The following THRB variants were observed in gnomAD, a reference collection of about 807,000 sequenced individuals.
THRB encodes the protein nuclear receptor subfamily 1 group A member 2.
Under a neutral mutation model 47.8 loss-of-function variants are expected in THRB, and 12 were observed. That is an observed-to-expected ratio of 0.25 (90% CI 0.16 to 0.41). THRB has a LOEUF of 0.41. Among genes scored for constraint, THRB ranks in the 10% least tolerant of loss-of-function variants. The probability of loss-of-function intolerance (pLI) is 1.00; values close to 1 mark genes in which losing one functional copy is unlikely to be tolerated. For synonymous variants in THRB, 218 were observed against 212.2 expected, an observed-to-expected ratio of 1.03 and a Z score of -0.24; for missense variants, 348 against 589.2, an observed-to-expected ratio of 0.59 and a Z score of 4.24.
intron 2 of THRB, among the ~76,000 whole-genome samples, chr3:24,332,465 A>G (rs961274120): frequency 3.9e-5 from 6 of 152,104 alleles, no homozygotes; most frequent in African/African-American, 1.4e-4. Flanking sequence ...AAATTTAGCT[A>G]TTTCTCCAAT....
intron 5 of THRB, among the ~76,000 whole-genome samples, chr3:24,182,117 C>A (rs562981150): frequency 6.6e-6 from 1 of 152,116 alleles, no homozygotes; most frequent in Non-Finnish European, 1.5e-5. Context: ...AGGAGAATGG[C>A]GTGAACCCGG....
intron 4 of THRB, among the ~76,000 whole-genome samples, chr3:24,197,564 A>T (rs1349795311): frequency 6.6e-6 from 1 of 152,166 alleles, no homozygotes; most frequent in Non-Finnish European, 1.5e-5. Flanking sequence ...TCCATCTCTT[A>T]ATCTCCACAG....
intron 6 of THRB, among the ~76,000 whole-genome samples, chr3:24,149,070 T>C (rs145913998): frequency 3.3e-4 from 50 of 152,280 alleles, no homozygotes; most frequent in African/African-American, 1.2e-3. Context: ...TGCCAAAGCA[T>C]GAATGTCAGA....
chr3:24,139,174 G>T (rs1452042347), intron 8 of THRB, among the ~76,000 whole-genome samples: 2 of 152,180 alleles, frequency 1.3e-5, no homozygotes, highest in Non-Finnish European at 2.9e-5. Context: ...GATTTGAGTA[G>T]ATTGGAGAAA....
chr3:24,413,562 T>C (rs759203167), intron 1 of THRB, among the ~76,000 whole-genome samples: 6 of 151,880 alleles, frequency 4.0e-5, no homozygotes, highest in Non-Finnish European at 7.4e-5. Flanking sequence ...TTTTTTCTTT[T>C]TCATCTCTGA....
intron 1 of THRB, among the ~76,000 whole-genome samples, chr3:24,433,486 A>C (rs1360781776): frequency 1.3e-5 from 2 of 152,058 alleles, no homozygotes; most frequent in Non-Finnish European, 2.9e-5. Flanking sequence ...AAGGCAAGGA[A>C]ATGGATCCTT....
intron 2 of THRB, among the ~76,000 whole-genome samples, chr3:24,298,793 C>A (rs548227077): frequency 1.3e-5 from 2 of 152,296 alleles, no homozygotes; most frequent in African/African-American, 4.8e-5. Context: ...ACCTTTGTAA[C>A]CTCCTGTAAG....
intron 3 of THRB, among the ~76,000 whole-genome samples, chr3:24,243,062 A>G (rs940378422): frequency 7.4e-5 from 6 of 80,800 alleles, no homozygotes; most frequent in Non-Finnish European, 1.1e-4. Context: ...TCACCTGCGC[A>G]CCTTTGAAAA....
At chr3:24,474,573 C>A (rs9845983) in intron 1 of THRB, among the ~76,000 whole-genome samples, 11,296 of 152,232 alleles carry the variant, frequency 0.074, 629 homozygotes, top group African/African-American at 0.16. Context: ...TTTGTAGAAT[C>A]AATGGCTACT....
chr3:24,333,047 G>A (rs535020516), intron 2 of THRB, among the ~76,000 whole-genome samples: 2 of 152,234 alleles, frequency 1.3e-5, no homozygotes, highest in Non-Finnish European at 1.5e-5. Context: ...TCATGGCACT[G>A]CACTCCAGCC....
intron 5 of THRB, among the ~76,000 whole-genome samples, chr3:24,168,418 A>G (rs2039948148): frequency 6.6e-6 from 1 of 151,732 alleles, no homozygotes; most frequent in Non-Finnish European, 1.5e-5. Flanking sequence ...TATTTCACTT[A>G]TAGTGCATCC....
At chr3:24,350,783 A>G (rs978574651) in intron 1 of THRB, among the ~76,000 whole-genome samples, 15 of 152,156 alleles carry the variant, frequency 9.9e-5, no homozygotes, top group African/African-American at 3.6e-4. Flanking sequence ...TGATTTGTGT[A>G]CATCTCTGTG....
At position 24,215,898 on chromosome 3, in the gene THRB, A is replaced by G. The variant is rs141303862; in HGVS notation, c.22+13040T>C. ...AGGTAGATGGGGATGTAAGAAGGAAAGAACCTGGGTCCATAAATGACCTTG... is the reference window on the plus strand; with the variant it reads ...AGGTAGATGGGGATGTAAGAAGGAAGGAACCTGGGTCCATAAATGACCTTG... On this transcript the variant is annotated intron_variant, in intron 4 of 10. Transcript: ENST00000646209. Among the ~76,000 whole-genome samples the G allele has an allele frequency of 2.1e-4, 32 of 152,338 alleles. No individual in the cohort carries two copies. The East Asian group carries it at 5.0e-3, about 24-fold the overall frequency.
At chr3:24,235,841 G>A (rs1293081437) in intron 3 of THRB, among the ~76,000 whole-genome samples, 1 of 152,130 alleles carries the variant, frequency 6.6e-6, no homozygotes. Flanking sequence ...TAAGAGGGGG[G>A]CATAGCTTAG....
intron 1 of THRB, among the ~76,000 whole-genome samples, chr3:24,380,854 C>T (rs1338765310): frequency 2.0e-5 from 3 of 152,110 alleles, no homozygotes; most frequent in African/African-American, 4.8e-5. Flanking sequence ...CGGTGGCTCA[C>T]GCCTGTAATC....
intron 3 of THRB, among the ~76,000 whole-genome samples, chr3:24,230,542 T>A (rs890587218): frequency 2.0e-5 from 3 of 152,192 alleles, no homozygotes; most frequent in African/African-American, 7.2e-5. Flanking sequence ...CCATCTTTGT[T>A]CACCTGTCCA....
intron 1 of THRB, among the ~76,000 whole-genome samples, chr3:24,449,326 A>G (rs1163266896): frequency 2.0e-5 from 3 of 152,148 alleles, no homozygotes; most frequent in African/African-American, 7.2e-5. Flanking sequence ...TCACTTTCAT[A>G]TTAATATTCA....
intron 3 of THRB, among the ~76,000 whole-genome samples, chr3:24,272,202 C>T (rs2053407940): frequency 6.6e-6 from 1 of 151,956 alleles, no homozygotes; most frequent in Middle Eastern, 3.2e-3. Context: ...AAAAATTAGC[C>T]AGATGTGGTG....
In THRB at chr3:24,441,946, G is replaced by A. The variant is rs534177735; in HGVS notation, c.-261+52706C>T. Among the ~76,000 whole-genome samples the A allele has an allele frequency of 1.6e-4, 25 of 152,172 alleles. No individual in the cohort carries two copies. In the South Asian group the frequency reaches 4.4e-3, roughly 27 times the overall value. Reference sequence around the variant, plus strand: ...AATACAGATATCTGCAGATACGTGAGGATCCACCCAGGTAGGATAAGCATG... The same window carrying A: ...AATACAGATATCTGCAGATACGTGAAGATCCACCCAGGTAGGATAAGCATG... On this transcript the variant is annotated intron_variant, in intron 1 of 10. Coordinates refer to ENST00000646209, the MANE Select transcript of THRB (RefSeq NM_001354712.2).
Sources: gnomAD v4.1 joint callset for allele counts (sites outside exome capture counted in the v4.1 genomes callset) on GRCh38, gnomAD v4.1.1 for gene constraint, MANE v1.5 for transcripts, NCBI Gene and HGNC (gene_info 2026-07-23, HGNC 2026-07-21) for gene names.